Variants in HHAT observed in about 807,000 individuals in gnomAD.
HHAT encodes hedgehog acyltransferase, also known as protein-cysteine N-palmitoyltransferase HHAT.
HHAT carries 47 observed loss-of-function variants against 70.8 expected under a neutral mutation model. The observed-to-expected ratio is 0.66, with a 90% confidence interval of 0.53 to 0.85. HHAT has a LOEUF of 0.85. Ranked by LOEUF, HHAT falls within the 40% of genes least tolerant of loss-of-function variation. The probability of loss-of-function intolerance (pLI) is 0.00; values close to 1 mark genes in which losing one functional copy is unlikely to be tolerated. For missense variants in HHAT, 609 were observed against 604.8 expected, an observed-to-expected ratio of 1.01 and a Z score of -0.07; for synonymous variants, 228 against 247.6, an observed-to-expected ratio of 0.92 and a Z score of 0.74.
chr1:210,654,360 C>A (rs1423150869), intron 11 of HHAT, among the ~76,000 whole-genome samples: 1 of 152,172 alleles, frequency 6.6e-6, no homozygotes, highest in Non-Finnish European at 1.5e-5. Context: ...GAACCCACAC[C>A]ATGAATGCCT....
intron 3 of HHAT, among the ~76,000 whole-genome samples, chr1:210,373,312 G>A (rs144015864): frequency 6.6e-6 from 1 of 152,212 alleles, no homozygotes; most frequent in East Asian, 1.9e-4. Flanking sequence ...ATGGGGAAGT[G>A]GGAAGGAGGG....
At chr1:210,655,047 C>T (rs1266238609) in intron 11 of HHAT, among the ~76,000 whole-genome samples, 1 of 152,222 alleles carries the variant, frequency 6.6e-6, no homozygotes, top group Non-Finnish European at 1.5e-5. Flanking sequence ...AAAGAAGCAT[C>T]TGGAAACTCT....
intron 8 of HHAT, among the ~76,000 whole-genome samples, chr1:210,509,510 C>G (rs1440987038): frequency 6.6e-6 from 1 of 152,162 alleles, no homozygotes; most frequent in East Asian, 1.9e-4. Flanking sequence ...TTACCCCTAA[C>G]TAACAATCAC....
intron 2 of HHAT, 90 bp downstream of exon 2, chr1:210,349,156 C>A: frequency 7.5e-7 from 1 of 1,335,684 alleles, no homozygotes; most frequent in East Asian, 2.3e-5. Context: ...GAAGATGATC[C>A]AATAGTGTCA....
At chr1:210,611,879 T>C (rs1027452477) in intron 10 of HHAT, among the ~76,000 whole-genome samples, 1 of 152,192 alleles carries the variant, frequency 6.6e-6, no homozygotes, top group Admixed American at 6.5e-5. Context: ...GTGCATAAGC[T>C]TTTTGACGTG....
At chr1:210,392,958 C>T (rs562301854) in intron 4 of HHAT, among the ~76,000 whole-genome samples, 2 of 152,242 alleles carry the variant, frequency 1.3e-5, no homozygotes, top group African/African-American at 2.4e-5. Context: ...ATATAGATGT[C>T]CCTTCATTTT....
At chr1:210,331,334 A>C (rs1259302490) in intron 1 of HHAT, among the ~76,000 whole-genome samples, 1 of 152,088 alleles carries the variant, frequency 6.6e-6, no homozygotes, top group Non-Finnish European at 1.5e-5. Context: ...GGTTGCTGTC[A>C]CTGCAGAAGA....
chr1:210,573,095 G>A (rs1017605769), intron 9 of HHAT, among the ~76,000 whole-genome samples: 1 of 152,220 alleles, frequency 6.6e-6, no homozygotes, highest in Non-Finnish European at 1.5e-5. Flanking sequence ...GTAGCAAACA[G>A]CACACTATTG....
chr1:210,493,240 A>G (rs2094578654), intron 8 of HHAT, among the ~76,000 whole-genome samples: 1 of 152,046 alleles, frequency 6.6e-6, no homozygotes. Context: ...ACTCACATGT[A>G]TGTATGTGCA....
chr1:210,581,557 A>C (rs1467922295), intron 9 of HHAT, among the ~76,000 whole-genome samples: 1 of 152,240 alleles, frequency 6.6e-6, no homozygotes, highest in Non-Finnish European at 1.5e-5. Context: ...TAGCCACTAA[A>C]GGCTCTGTTC....
At chr1:210,535,812 TAAAC>T (rs1286903198) in intron 9 of HHAT, among the ~76,000 whole-genome samples, 1 of 152,142 alleles carries the variant, frequency 6.6e-6, no homozygotes, top group Admixed American at 6.5e-5. Context: ...ACCCATGAAA[TAAAC>T]AGTGTTCCAA....
chr1:210,562,883 C>T (rs541568254), intron 9 of HHAT, among the ~76,000 whole-genome samples: 1 of 146,702 alleles, frequency 6.8e-6, no homozygotes, highest in African/African-American at 2.5e-5. Flanking sequence ...TCAATTCCCA[C>T]CTATGAGTGA....
intron 3 of HHAT, among the ~76,000 whole-genome samples, chr1:210,365,246 T>G (rs2088797118): frequency 6.6e-6 from 1 of 150,870 alleles, no homozygotes; most frequent in Non-Finnish European, 1.5e-5. Context: ...CTTAGTTTTC[T>G]GACCAGCCCA....
intron 4 of HHAT, among the ~76,000 whole-genome samples, chr1:210,394,243 T>TGCCA (rs1558426948): frequency 4.6e-5 from 1 of 21,892 alleles, no homozygotes; most frequent in Admixed American, 4.7e-4. Context: ...TTTTTTTTTT[T>TGCCA]TTTTTTTTTT....
At chr1:210,525,598 A>G (rs187403022) in intron 9 of HHAT, among the ~76,000 whole-genome samples, 1 of 152,300 alleles carries the variant, frequency 6.6e-6, no homozygotes, top group Non-Finnish European at 1.5e-5. Context: ...TAGCTGTGCT[A>G]TATTTGAATT....
chr1:210,464,544 A>C lies in HHAT; in HGVS notation c.896A>C (p.Lys299Thr), dbSNP rs1181785857. ...ALAQVLFFYV[K>T]YLVLFGVPAL... ...GCCCAGGTGCTCTTTTTCTACGTGA[A>C]GTACTTGGTGCTCTTTGGCGTGCCT... The change falls in exon 8 of 12, where the codon AAG becomes ACG. Residue 299 changes from lysine to threonine, a missense_variant. Physicochemically the swap from Lys to Thr is moderately conservative, Grantham distance 78. Coordinates refer to ENST00000261458, the MANE Select transcript of HHAT (RefSeq NM_018194.6). 2 of 1,614,122 alleles carry C rather than the reference A, an allele frequency of 1.2e-6. No individual in the cohort carries two copies. Among genetic ancestry groups the C allele is most frequent in the South Asian group, 2.2e-5 (2 of 91,076 alleles).
intron 9 of HHAT, among the ~76,000 whole-genome samples, chr1:210,519,225 G>A (rs1286479617): frequency 6.6e-6 from 1 of 152,212 alleles, no homozygotes; most frequent in Non-Finnish European, 1.5e-5. Context: ...GTGTGTATAT[G>A]CCACATTTTC....
Position 210,527,591 on chromosome 1 carries a change from T to TA in HHAT, c.1043+14410dup, listed in dbSNP as rs907551334. Reference sequence around the variant, plus strand: ...TTAGCAGACTGAGTGGCAACACCTTTAAAAAAATAAATAAATAAGGGAAAT... The same window carrying TA: ...TTAGCAGACTGAGTGGCAACACCTTTAAAAAAAATAAATAAATAAGGGAAAT... On this transcript the variant is annotated intron_variant, in intron 9 of 11. Transcript: ENST00000261458. 6.6e-5 allele frequency among the ~76,000 whole-genome samples: 10 copies of TA among 152,086 alleles called. No homozygotes were observed. In the East Asian group the frequency reaches 1.3e-3, roughly 20 times the overall value.
intron 11 of HHAT, among the ~76,000 whole-genome samples, chr1:210,660,169 T>C (rs1677345839): frequency 6.6e-6 from 1 of 152,176 alleles, no homozygotes; most frequent in African/African-American, 2.4e-5. Context: ...GAAAACCCCA[T>C]TGTCTCAGCC....
Sources: allele counts gnomAD v4.1 joint callset (sites outside exome capture counted in the v4.1 genomes callset), GRCh38; gene constraint gnomAD v4.1.1; transcripts MANE v1.5; gene names NCBI Gene and HGNC (gene_info 2026-07-23, HGNC 2026-07-21).